UBAC1: variants seen among roughly 807,000 people sequenced by gnomAD.
UBAC1 encodes UBA domain containing 1.
UBAC1 carries 27 observed loss-of-function variants against 45.9 expected under a neutral mutation model. The ratio of observed to expected loss-of-function variants is 0.59; its 90% CI spans 0.43 to 0.81. UBAC1 has a LOEUF of 0.81. Among genes scored for constraint, UBAC1 ranks in the 30% least tolerant of loss-of-function variants. The pLI is 0.00. For synonymous variants in UBAC1, 227 were observed against 215.5 expected (o/e 1.05, Z -0.47); for missense variants, 529 against 539.2 (o/e 0.98, Z 0.19).
intron 9 of UBAC1, among the ~76,000 whole-genome samples, chr9:135,937,984 G>A (rs1260306346): frequency 1.3e-5 from 2 of 152,180 alleles, no homozygotes; most frequent in Non-Finnish European, 2.9e-5. Context: ...TGAGGCCTAT[G>A]TCAGGGTCAT....
intron 3 of UBAC1, 36 bp from the exon 4 acceptor site, chr9:135,947,941 CG>C (rs1564197440): frequency 1.3e-6 from 2 of 1,583,848 alleles, no homozygotes; most frequent in Non-Finnish European, 8.6e-7. Context: ...CTGAGGTGAA[CG>C]TAAGAGCAGC....
chr9:135,935,829 A>G (rs928806629), intron 9 of UBAC1, among the ~76,000 whole-genome samples: 5 of 152,152 alleles, frequency 3.3e-5, no homozygotes, highest in African/African-American at 1.2e-4. Flanking sequence ...GATCAAGACC[A>G]TCCTGGCTAA....
At position 135,961,356 on chromosome 9, in the gene UBAC1, AG is replaced by A; in HGVS notation, c.-195del. On this transcript the variant is annotated 5_prime_UTR_variant, in exon 1 of 10. Transcript: ENST00000371756. ...GTCGCCTCGCTCCCGCCGCCGCAGC[AG>A]CCGCCGGGGGCGCGCCGTCGCGGCC... 1 of 217,194 alleles carries A rather than the reference AG, an allele frequency of 4.6e-6. No homozygotes were observed. Among genetic ancestry groups the A allele is most frequent in the African/African-American group, 2.4e-5 (1 of 42,514 alleles). The allele number at this position is 217,194 out of a possible 1,614,324, so 13.5% of individuals were successfully genotyped here.
At chr9:135,946,174 G>A in intron 5 of UBAC1, 95 bp downstream of exon 5, 12 of 1,094,798 alleles carry the variant, frequency 1.1e-5, no homozygotes, top group Admixed American at 1.8e-5. Context: ...ATAAAGCACT[G>A]AGGTTCCGGT....
intron 3 of UBAC1, chr9:135,948,111 G>A (rs1168415705): frequency 9.5e-6 from 5 of 526,900 alleles, no homozygotes; most frequent in South Asian, 5.3e-5. Flanking sequence ...CTGCTCTGAC[G>A]TAAATAAGAG....
At chr9:135,951,069 C>G (rs1306384396) in intron 3 of UBAC1, among the ~76,000 whole-genome samples, 3 of 152,030 alleles carry the variant, frequency 2.0e-5, no homozygotes, top group Non-Finnish European at 2.9e-5. Flanking sequence ...CACACTCCAG[C>G]CTGGTGTGCA....
chr9:135,960,205 G>A (rs1370761969), intron 1 of UBAC1, among the ~76,000 whole-genome samples: 2 of 152,172 alleles, frequency 1.3e-5, no homozygotes, highest in African/African-American at 4.8e-5. Flanking sequence ...TAGACAGGAG[G>A]TCAGTCTGAC....
intron 9 of UBAC1, among the ~76,000 whole-genome samples, chr9:135,933,998 C>T (rs916933623): frequency 6.6e-6 from 1 of 152,230 alleles, no homozygotes; most frequent in African/African-American, 2.4e-5. Flanking sequence ...CACAGCACTT[C>T]TTCAAAATGA....
At chr9:135,938,772 T>C (rs954469533) in intron 8 of UBAC1, among the ~76,000 whole-genome samples, 2 of 148,510 alleles carry the variant, frequency 1.3e-5, no homozygotes, top group Non-Finnish European at 3.0e-5. Flanking sequence ...CATCTCTGTC[T>C]TGGAGGTGTG....
At position 135,945,027 on chromosome 9, in the gene UBAC1, C is replaced by A. The variant is rs1839310367; in HGVS notation, c.876+1G>T. ...CTGGCGACAGGTCTAGTAACACATA[C>A]CCGAGCATCAGCCCGAAACTCCCTT... On this transcript the variant is annotated splice_donor_variant, in intron 7 of 9. Transcript: ENST00000371756. LOFTEE classifies it high-confidence loss of function. 6.2e-7 allele frequency: 1 copy of A among 1,612,956 alleles called. No individual in the cohort carries two copies. The highest frequency in any genetic ancestry group is 1.7e-5 in the Admixed American group (1 of 59,866).
At chr9:135,960,783 T>G (rs956910537) in intron 1 of UBAC1, among the ~76,000 whole-genome samples, 1 of 152,024 alleles carries the variant, frequency 6.6e-6, no homozygotes, top group Non-Finnish European at 1.5e-5. Flanking sequence ...GAGCGCTTAG[T>G]GACCGGAGTC....
chr9:135,958,223 A>G (rs1839490872), intron 1 of UBAC1, among the ~76,000 whole-genome samples: 1 of 151,812 alleles, frequency 6.6e-6, no homozygotes, highest in African/African-American at 2.4e-5. Context: ...ATTTTTCTGT[A>G]TTTTTAGTAA....
chr9:135,938,237 G>C lies in UBAC1; in HGVS notation c.1087C>G (p.Pro363Ala), dbSNP rs145541224. 4.3e-4 allele frequency: 690 copies of C among 1,614,034 alleles called. 3 individuals are homozygous for C. The African/African-American group carries it at 7.6e-3, about 18-fold the overall frequency. Reference sequence around the variant, plus strand: ...GCGCACATACCTAGCAATGTTTTCGGGTTGGTCAGGCCCAGCTGCACCACC... The same window carrying C: ...GCGCACATACCTAGCAATGTTTTCGCGTTGGTCAGGCCCAGCTGCACCACC... ...NPVVQLGLTN[P>A]KTLLAFEDML... is the part of the protein sequence containing the mutation. Residue 363 changes from proline (P) to alanine (A), a missense_variant, in exon 9 of 10, where the codon CCG becomes GCG. Physicochemically the swap from Pro to Ala is conservative, Grantham distance 27. Transcript: ENST00000371756.
Position 135,939,975 on chromosome 9 carries a change from T to A in UBAC1, c.877-216A>T, listed in dbSNP as rs375195058. 4.6e-5 allele frequency among the ~76,000 whole-genome samples: 7 copies of A among 152,360 alleles called. No homozygotes were observed. The South Asian group carries it at 1.5e-3, about 32-fold the overall frequency. ...CGAGGAAGTGCAGGGATGACTGTAG[T>A]TAGCAGAGCCGGGGGGCAGTGCAGC... On this transcript the variant is annotated intron_variant, in intron 7 of 9. Coordinates refer to ENST00000371756, the MANE Select transcript of UBAC1 (RefSeq NM_016172.3).
intron 1 of UBAC1, among the ~76,000 whole-genome samples, chr9:135,955,882 AGGAGC>A (rs1839460579): frequency 6.6e-6 from 1 of 152,186 alleles, no homozygotes; most frequent in Admixed American, 6.5e-5. Context: ...TGGGGATAAG[AGGAGC>A]GCTCGGCATG....
At chr9:135,945,580 C>A in intron 6 of UBAC1, 1 of 524,582 alleles carries the variant, frequency 1.9e-6, no homozygotes, top group Non-Finnish European at 3.4e-6. Context: ...TAGATCTGAA[C>A]ACAGAAGCAG....
intron 3 of UBAC1, among the ~76,000 whole-genome samples, chr9:135,950,862 G>A (rs1207344610): frequency 6.6e-6 from 1 of 152,218 alleles, no homozygotes; most frequent in Non-Finnish European, 1.5e-5. Context: ...GGAGACCAAG[G>A]TGAACAGACC....
At chr9:135,953,064 A>G (rs1398342360) in intron 3 of UBAC1, among the ~76,000 whole-genome samples, 2 of 152,154 alleles carry the variant, frequency 1.3e-5, no homozygotes, top group Non-Finnish European at 2.9e-5. Context: ...ACGCAGGTGA[A>G]GGCGGACAGC....
chr9:135,947,139 G>A (rs528844138), intron 4 of UBAC1, among the ~76,000 whole-genome samples: 5 of 152,164 alleles, frequency 3.3e-5, no homozygotes, highest in Admixed American at 6.5e-5. Context: ...CTCCCACCCC[G>A]GCACAGCACG....
Sources: allele counts gnomAD v4.1 joint callset (sites outside exome capture counted in the v4.1 genomes callset), GRCh38; gene constraint gnomAD v4.1.1; transcripts MANE v1.5; gene names NCBI Gene and HGNC (gene_info 2026-07-23, HGNC 2026-07-21).